TFB1M: variants seen among roughly 807,000 people sequenced by gnomAD.
TFB1M encodes the protein transcription factor B1, mitochondrial.
Under a neutral mutation model 31.1 loss-of-function variants are expected in TFB1M, and 27 were observed. That is an observed-to-expected ratio of 0.87 (90% CI 0.64 to 1.20). TFB1M has a LOEUF of 1.20. Ranked by LOEUF, TFB1M falls within the 50% of genes most tolerant of loss-of-function variation. TFB1M has a pLI of 0.00. For synonymous variants in TFB1M, 166 were observed against 151.8 expected (o/e 1.09, Z -0.69); for missense variants, 394 against 418.7 (o/e 0.94, Z 0.51).
the TFB1M span, among the ~76,000 whole-genome samples, chr6:155,241,384 C>T: frequency 6.6e-6 from 1 of 152,200 alleles, no homozygotes; most frequent in East Asian, 1.9e-4. Context: ...TTGTCAGTTA[C>T]TGAAGCAGCG....
chr6:155,313,755 T>C (rs540166481), intron 1 of TFB1M, among the ~76,000 whole-genome samples: 1 of 152,180 alleles, frequency 6.6e-6, no homozygotes, highest in South Asian at 2.1e-4. Context: ...CCCCCGGCAC[T>C]AGCACAATGT....
At chr6:155,290,950 G>T (rs965936474) in intron 4 of TFB1M, among the ~76,000 whole-genome samples, 1 of 152,138 alleles carries the variant, frequency 6.6e-6, no homozygotes, top group Non-Finnish European at 1.5e-5. Context: ...CTTAGGATGA[G>T]GCCTCTAGGT....
the TFB1M span, chr6:155,250,537 G>A: frequency 2.0e-6 from 3 of 1,535,722 alleles, no homozygotes; most frequent in East Asian, 2.4e-5. Context: ...TCTTTTATCA[G>A]CAGCCCGAAT....
chr6:155,248,213 T>TA, the TFB1M span: 7 of 1,598,672 alleles, frequency 4.4e-6, no homozygotes, highest in Non-Finnish European at 6.0e-6. Context: ...GGCGAGGGCC[T>TA]GCACAGGGCG....
intron 4 of TFB1M, among the ~76,000 whole-genome samples, chr6:155,286,764 G>T (rs1040132404): frequency 1.3e-5 from 2 of 151,114 alleles, no homozygotes; most frequent in Non-Finnish European, 2.9e-5. Context: ...ACTGCCAGAG[G>T]CCAGGAGTTC....
In TFB1M at chr6:155,257,111, G is replaced by GAAAATCAT; in HGVS notation, c.*717_*724dup. The GAAAATCAT allele has an allele frequency of 6.4e-7, 1 of 1,557,090 alleles. No homozygotes were observed. Among genetic ancestry groups the GAAAATCAT allele is most frequent in the Non-Finnish European group, 8.7e-7 (1 of 1,144,802 alleles). On this transcript the variant is annotated 3_prime_UTR_variant, in exon 7 of 7. Coordinates refer to ENST00000367166, the MANE Select transcript of TFB1M (RefSeq NM_016020.4). ...TGTTTTTATGAAACAGAGAGCCACG[G>GAAAATCAT]AAAATCATAGTATGATTCAATCCAG...
At chr6:155,268,506 CAGTT>C (rs1784765429) in intron 5 of TFB1M, among the ~76,000 whole-genome samples, 1 of 152,178 alleles carries the variant, frequency 6.6e-6, no homozygotes, top group Admixed American at 6.5e-5. Context: ...CCAAAATACT[CAGTT>C]AAATTACTGA....
At chr6:155,304,811 C>T (rs1016076407) in intron 2 of TFB1M, among the ~76,000 whole-genome samples, 11 of 151,618 alleles carry the variant, frequency 7.3e-5, no homozygotes, top group African/African-American at 2.2e-4. Context: ...AAAATGAAGG[C>T]TTTTTCAGTC....
At chr6:155,299,142 C>T (rs1777316873) in intron 2 of TFB1M, among the ~76,000 whole-genome samples, 1 of 152,030 alleles carries the variant, frequency 6.6e-6, no homozygotes, top group African/African-American at 2.4e-5. Context: ...CCAGAGCATC[C>T]CTAATCTTAA....
chr6:155,244,879 T>C, the TFB1M span: 12 of 1,388,820 alleles, frequency 8.6e-6, no homozygotes, highest in African/African-American at 1.3e-4. Context: ...TTTCTTGTCC[T>C]GTGACTATTG....
chr6:155,296,868 A>ATG, intron 4 of TFB1M, 85 bp downstream of exon 4: 2 of 1,297,782 alleles, frequency 1.5e-6, no homozygotes, highest in Non-Finnish European at 2.2e-6. Context: ...CTTAGAAAAC[A>ATG]CAGACTGTGG....
chr6:155,269,640 ATTC>A (rs1037551390), intron 5 of TFB1M, among the ~76,000 whole-genome samples: 13 of 152,110 alleles, frequency 8.5e-5, no homozygotes, highest in African/African-American at 2.7e-4. Context: ...TGTCTATAAA[ATTC>A]TTCTTATCTG....
chr6:155,286,681 A>T (rs116284920), intron 4 of TFB1M, among the ~76,000 whole-genome samples: 1,749 of 148,952 alleles, frequency 0.012, 34 homozygotes, highest in African/African-American at 0.041. Flanking sequence ...ATATATATAT[A>T]TTTTTTTGAT....
At chr6:155,268,251 A>G (rs1323877400) in intron 5 of TFB1M, among the ~76,000 whole-genome samples, 1 of 152,092 alleles carries the variant, frequency 6.6e-6, no homozygotes, top group Non-Finnish European at 1.5e-5. Flanking sequence ...GTGCTCTTAA[A>G]CCACAAATTC....
downstream of TFB1M, chr6:155,252,782 C>G (rs1259748576): frequency 1.7e-6 from 1 of 601,824 alleles, no homozygotes. Context: ...CATGTGAGGT[C>G]TTTGAGAACT....
Position 155,256,703 on chromosome 6 carries a change from A to AAGAG in TFB1M, c.*1129_*1132dup. ...GCAGATTTTGCCGACAATCTCATCAAAGAGAGTGACATCCTGAGCGATGAA... is the reference window on the plus strand; with the variant it reads ...GCAGATTTTGCCGACAATCTCATCAAAGAGAGAGAGTGACATCCTGAGCGATGAA... On this transcript the variant is annotated 3_prime_UTR_variant, in exon 7 of 7. Transcript: ENST00000367166. The AAGAG allele has an allele frequency of 6.2e-7, 1 of 1,614,156 alleles. No homozygotes were observed. The highest frequency in any genetic ancestry group is 8.5e-7 in the Non-Finnish European group (1 of 1,180,032).
At chr6:155,234,896 G>A in the TFB1M span, among the ~76,000 whole-genome samples, 10 of 152,256 alleles carry the variant, frequency 6.6e-5, no homozygotes, top group African/African-American at 2.2e-4. Context: ...AGCAGGAGGC[G>A]TGAGGAACTA....
chr6:155,268,689 C>T (rs1035909221), intron 5 of TFB1M, among the ~76,000 whole-genome samples: 8 of 151,984 alleles, frequency 5.3e-5, no homozygotes, highest in Non-Finnish European at 5.9e-5. Flanking sequence ...TGTGTCCACT[C>T]AGGGTTAAGT....
At chr6:155,266,733 G>A (rs1258390524) in intron 5 of TFB1M, among the ~76,000 whole-genome samples, 2 of 151,616 alleles carry the variant, frequency 1.3e-5, no homozygotes, top group Middle Eastern at 6.8e-3. Flanking sequence ...TGTAGTCCCC[G>A]CTACTTGGGA....
Sources: gnomAD v4.1 joint callset for allele counts (sites outside exome capture counted in the v4.1 genomes callset) on GRCh38, gnomAD v4.1.1 for gene constraint, MANE v1.5 for transcripts, NCBI Gene and HGNC (gene_info 2026-07-23, HGNC 2026-07-21) for gene names.